FXYD6: variants seen among roughly 807,000 people sequenced by gnomAD.
FXYD6 encodes the protein FXYD domain-containing ion transport regulator 6.
In FXYD6, 7 loss-of-function variants were observed where a neutral mutation model predicts 16.7. The observed-to-expected ratio is 0.42, with a 90% CI of 0.24 to 0.79. The LOEUF (loss-of-function observed/expected upper bound fraction) is 0.79, where lower values mean the gene tolerates loss of function less well. FXYD6 is among the 30% of genes least tolerant of loss of function. The pLI is 0.28. For missense variants in FXYD6, 111 were observed against 116.2 expected (o/e 0.95, Z 0.21); for synonymous variants, 49 against 43.0 (o/e 1.14, Z -0.54).
intron 1 of FXYD6, among the ~76,000 whole-genome samples, chr11:117,865,822 G>A (rs181470461): frequency 2.0e-5 from 3 of 152,136 alleles, no homozygotes; most frequent in Non-Finnish European, 2.9e-5. Flanking sequence ...AGCTACCCGG[G>A]AGGCTGAGGC....
chr11:117,873,547 C>T (rs892823850), intron 1 of FXYD6, among the ~76,000 whole-genome samples: 8 of 152,212 alleles, frequency 5.3e-5, no homozygotes, highest in African/African-American at 1.9e-4. Context: ...GGCTAGAACC[C>T]GGCCTTTCCA....
At chr11:117,858,951 T>G (rs1336597381) in intron 1 of FXYD6, among the ~76,000 whole-genome samples, 1 of 151,960 alleles carries the variant, frequency 6.6e-6, no homozygotes, top group African/African-American at 2.4e-5. Context: ...AAGTTTTGTA[T>G]TTTTAGTAGA....
At chr11:117,847,232 G>A (rs1036217832) in intron 1 of FXYD6, among the ~76,000 whole-genome samples, 4 of 151,980 alleles carry the variant, frequency 2.6e-5, no homozygotes, top group African/African-American at 7.3e-5. Context: ...TTAAACTCCC[G>A]AATTATTTGT....
intron 1 of FXYD6, among the ~76,000 whole-genome samples, chr11:117,865,788 G>A (rs1372960860): frequency 6.6e-6 from 1 of 152,160 alleles, no homozygotes; most frequent in Non-Finnish European, 1.5e-5. Context: ...TTAGCCGGGC[G>A]TGGTGGTGCG....
intron 1 of FXYD6, among the ~76,000 whole-genome samples, chr11:117,848,896 T>C (rs1459282557): frequency 6.6e-6 from 1 of 152,174 alleles, no homozygotes; most frequent in Non-Finnish European, 1.5e-5. Context: ...TAACGATGCT[T>C]ATAGTTTTTT....
intron 1 of FXYD6, among the ~76,000 whole-genome samples, chr11:117,846,079 C>T (rs1179389618): frequency 6.6e-6 from 1 of 152,174 alleles, no homozygotes; most frequent in Non-Finnish European, 1.5e-5. Flanking sequence ...TCACTGTCCC[C>T]ATTACTCTAC....
intron 1 of FXYD6, among the ~76,000 whole-genome samples, chr11:117,853,623 C>T (rs1474458724): frequency 2.0e-5 from 3 of 152,156 alleles, no homozygotes; most frequent in Admixed American, 2.0e-4. Flanking sequence ...TCCCTAGTAG[C>T]TGGAACTACA....
At chr11:117,860,690 T>C (rs907277319) in intron 1 of FXYD6, among the ~76,000 whole-genome samples, 2 of 152,316 alleles carry the variant, frequency 1.3e-5, no homozygotes, top group African/African-American at 2.4e-5. Context: ...TTGTCCACTT[T>C]CCAAGGCTAT....
chr11:117,850,473 G>C (rs1404480614), intron 1 of FXYD6, among the ~76,000 whole-genome samples: 3 of 152,196 alleles, frequency 2.0e-5, no homozygotes, highest in African/African-American at 7.2e-5. Context: ...AAACAGCAAA[G>C]AGATGGATTT....
intron 1 of FXYD6, among the ~76,000 whole-genome samples, chr11:117,860,379 C>T (rs1292229088): frequency 6.6e-6 from 1 of 152,158 alleles, no homozygotes; most frequent in African/African-American, 2.4e-5. Flanking sequence ...ATACAGGTAC[C>T]TGAGAGAGCT....
intron 1 of FXYD6, chr11:117,869,124 CT>C (rs2057075370): frequency 6.6e-6 from 1 of 152,182 alleles, no homozygotes; most frequent in Non-Finnish European, 1.5e-5. Flanking sequence ...GTTAAATCAC[CT>C]AACTTGAAAT....
chr11:117,852,022 G>C (rs912787892), intron 1 of FXYD6, among the ~76,000 whole-genome samples: 2 of 152,230 alleles, frequency 1.3e-5, no homozygotes, highest in African/African-American at 2.4e-5. Flanking sequence ...TCATGAGACA[G>C]GCTACGGAGA....
rs2056296864 is a variant in FXYD6, at chr11:117,839,845, A to G, written c.260-15T>C. On this transcript the variant is annotated splice_polypyrimidine_tract_variant and intron_variant, in intron 6 of 7. Transcript: ENST00000526014. The stretch of plus-strand genomic sequence containing the variant: ...GGGCTCTGTTGCTGGAAAGAAAACC[A>G]GAATGGATTATAGTGTATAGACTCC... 2 of 1,614,090 alleles carry G rather than the reference A, an allele frequency of 1.2e-6. No individual in the cohort carries two copies. Among genetic ancestry groups the G allele is most frequent in the Non-Finnish European group, 1.7e-6 (2 of 1,180,036 alleles).
chr11:117,841,690 T>C, intron 4 of FXYD6, 101 bp downstream of exon 4: 1 of 1,361,362 alleles, frequency 7.3e-7, no homozygotes, highest in Non-Finnish European at 1.0e-6. Flanking sequence ...CAGCCTCCTT[T>C]CCTCTCCAGG....
At chr11:117,838,591 GAC>G (rs943934496) in intron 7 of FXYD6, 15 of 354,092 alleles carry the variant, frequency 4.2e-5, no homozygotes, top group Non-Finnish European at 7.3e-5. Context: ...AAAATGAAAA[GAC>G]ATTTCATTTC....
intron 4 of FXYD6, chr11:117,841,579 T>C: frequency 1.6e-6 from 1 of 622,302 alleles, no homozygotes; most frequent in South Asian, 1.9e-5. Flanking sequence ...TCTATGCTCA[T>C]TGTCATATGA....
At chr11:117,844,405 T>G (rs932388960) in intron 1 of FXYD6, among the ~76,000 whole-genome samples, 1 of 152,170 alleles carries the variant, frequency 6.6e-6, no homozygotes, top group Non-Finnish European at 1.5e-5. Context: ...CAAAGACTGC[T>G]GCAGTGACCT....
intron 1 of FXYD6, among the ~76,000 whole-genome samples, chr11:117,855,913 C>T (rs2056715775): frequency 1.3e-5 from 2 of 152,224 alleles, no homozygotes; most frequent in African/African-American, 2.4e-5. Context: ...GGACCACTCT[C>T]CCCATCTGGA....
intron 1 of FXYD6, among the ~76,000 whole-genome samples, chr11:117,873,844 C>T (rs1056809246): frequency 1.2e-4 from 19 of 152,172 alleles, no homozygotes; most frequent in Non-Finnish European, 2.2e-4. Context: ...TCCAGCCTCG[C>T]CTTCCAAGAA....
Sources: allele counts gnomAD v4.1 joint callset (sites outside exome capture counted in the v4.1 genomes callset), GRCh38; gene constraint gnomAD v4.1.1; transcripts MANE v1.5; gene names NCBI Gene and HGNC (gene_info 2026-07-23, HGNC 2026-07-21).